Variants in CDH22 observed in about 807,000 individuals in gnomAD.
CDH22 encodes the protein cadherin 22.
CDH22 carries 30 observed loss-of-function variants against 58.4 expected under a neutral mutation model. The observed-to-expected ratio is 0.51, with a 90% CI of 0.38 to 0.70. The LOEUF (loss-of-function observed/expected upper bound fraction) is 0.70, where lower values mean the gene tolerates loss of function less well. Among genes scored for constraint, CDH22 ranks in the 30% least tolerant of loss-of-function variants. The pLI is 0.00. For synonymous variants in CDH22, 513 were observed against 558.2 expected (o/e 0.92, Z 1.14); for missense variants, 1,014 against 1,233.9 (o/e 0.82, Z 2.67).
chr20:46,281,175 T>G (rs2086549198), intron 1 of CDH22, among the ~76,000 whole-genome samples: 1 of 152,228 alleles, frequency 6.6e-6, no homozygotes, highest in South Asian at 2.1e-4. Flanking sequence ...AATAGACTTC[T>G]GAAAGAACAT....
intron 8 of CDH22, among the ~76,000 whole-genome samples, chr20:46,198,181 A>T (rs1272307318): frequency 6.6e-6 from 1 of 151,866 alleles, no homozygotes; most frequent in Non-Finnish European, 1.5e-5. Flanking sequence ...CCTCTCTCCC[A>T]GTGCTCTCAG....
chr20:46,269,058 A>G (rs544865633), intron 1 of CDH22, among the ~76,000 whole-genome samples: 1 of 152,330 alleles, frequency 6.6e-6, no homozygotes, highest in South Asian at 2.1e-4. Flanking sequence ...TAGTTGCCAA[A>G]TAATTGATCA....
At chr20:46,291,585 A>G (rs1394180287) in intron 1 of CDH22, among the ~76,000 whole-genome samples, 2 of 152,112 alleles carry the variant, frequency 1.3e-5, no homozygotes, top group South Asian at 4.2e-4. Context: ...TGATCTCATC[A>G]CACCCTCTCA....
At chr20:46,189,394 C>A (rs879780456) in intron 8 of CDH22, among the ~76,000 whole-genome samples, 1 of 152,082 alleles carries the variant, frequency 6.6e-6, no homozygotes, top group Non-Finnish European at 1.5e-5. Flanking sequence ...CAGGAACAGG[C>A]GCCTCTTTCC....
chr20:46,208,621 T>A (rs559571244), intron 7 of CDH22, among the ~76,000 whole-genome samples: 3 of 152,196 alleles, frequency 2.0e-5, no homozygotes, highest in Non-Finnish European at 4.4e-5. Context: ...TTTGAGACAG[T>A]TTTGCTCTCG....
Position 46,208,842 on chromosome 20 carries a change from C to T in CDH22, c.1286+1465G>A, listed in dbSNP as rs188070745. ...TCCTGACCTCGGGTGATCTGCCCGC[C>T]TCGGCCTCCCAAAGTGCTGGGATTA... On this transcript the variant is annotated intron_variant, in intron 7 of 11. Coordinates refer to ENST00000537909, the MANE Select transcript of CDH22 (RefSeq NM_021248.3). Among the ~76,000 whole-genome samples the T allele has an allele frequency of 7.2e-5, 11 of 152,350 alleles. No homozygotes were observed. The East Asian group carries it at 1.9e-3, about 27-fold the overall frequency.
intron 8 of CDH22, among the ~76,000 whole-genome samples, chr20:46,191,929 C>T (rs1480392899): frequency 6.6e-6 from 1 of 152,102 alleles, no homozygotes; most frequent in Non-Finnish European, 1.5e-5. Context: ...CTCGTTGCTA[C>T]CCCTCCCTCC....
intron 1 of CDH22, among the ~76,000 whole-genome samples, chr20:46,287,329 TATTATC>T (rs1408773846): frequency 6.6e-6 from 1 of 152,226 alleles, no homozygotes; most frequent in Admixed American, 6.5e-5. Context: ...TGTTAGCTGT[TATTATC>T]ATTATTAACT....
At chr20:46,246,616 G>A (rs980697388) in intron 2 of CDH22, among the ~76,000 whole-genome samples, 1 of 152,148 alleles carries the variant, frequency 6.6e-6, no homozygotes, top group African/African-American at 2.4e-5. Context: ...GGGCAGGGCC[G>A]CGGAAGGAGC....
chr20:46,187,088 A>C (rs2085832038), intron 8 of CDH22, 141 bp from the exon 9 acceptor site: 1 of 779,474 alleles, frequency 1.3e-6, no homozygotes. Context: ...AAGGACCAGA[A>C]CTGGGAACAT....
intron 3 of CDH22, among the ~76,000 whole-genome samples, chr20:46,238,608 GA>G (rs2086270096): frequency 6.6e-6 from 1 of 152,116 alleles, no homozygotes; most frequent in Non-Finnish European, 1.5e-5. Flanking sequence ...TCAGTAAATG[GA>G]AATCCATCTA....
intron 1 of CDH22, among the ~76,000 whole-genome samples, chr20:46,285,012 C>T (rs1424600684): frequency 6.6e-6 from 1 of 152,196 alleles, no homozygotes; most frequent in Non-Finnish European, 1.5e-5. Context: ...AACCTGACCA[C>T]TGTACCCAGT....
intron 1 of CDH22, among the ~76,000 whole-genome samples, chr20:46,287,479 G>GAC (rs2086581501): frequency 6.6e-6 from 1 of 152,072 alleles, no homozygotes; most frequent in African/African-American, 2.4e-5. Flanking sequence ...AGACTGGAGT[G>GAC]TGGGGGTGGC....
chr20:46,264,847 C>CAG (rs2086450439), intron 1 of CDH22, among the ~76,000 whole-genome samples: 1 of 148,766 alleles, frequency 6.7e-6, no homozygotes, highest in Non-Finnish European at 1.5e-5. Context: ...CACACACACA[C>CAG]ACCGTGCACA....
chr20:46,206,117 C>G (rs2086000529), intron 7 of CDH22, among the ~76,000 whole-genome samples: 1 of 152,192 alleles, frequency 6.6e-6, no homozygotes, highest in African/African-American at 2.4e-5. Flanking sequence ...TGGCCCATGT[C>G]TGAGGCCATC....
intron 1 of CDH22, among the ~76,000 whole-genome samples, chr20:46,292,473 C>G (rs2086608565): frequency 6.6e-6 from 1 of 152,250 alleles, no homozygotes; most frequent in South Asian, 2.1e-4. Context: ...CTCTCACCCT[C>G]TGTTTCCCCA....
chr20:46,239,601 G>A (rs1043057445), intron 3 of CDH22, among the ~76,000 whole-genome samples: 11 of 152,244 alleles, frequency 7.2e-5, no homozygotes, highest in African/African-American at 1.4e-4. Context: ...CCTCTGACAC[G>A]CAGCCATAGA....
chr20:46,223,917 G>T (rs180687028), intron 4 of CDH22, among the ~76,000 whole-genome samples: 1 of 150,722 alleles, frequency 6.6e-6, no homozygotes, highest in Admixed American at 6.6e-5. Context: ...GCAGTGGTGC[G>T]ATCTTGGCTC....
At chr20:46,187,318 G>T (rs1052639328) in intron 8 of CDH22, among the ~76,000 whole-genome samples, 9 of 151,528 alleles carry the variant, frequency 5.9e-5, no homozygotes, top group Admixed American at 2.0e-4. Context: ...TATTACCACT[G>T]TCATCATTAA....
Sources: gnomAD v4.1 joint callset for allele counts (sites outside exome capture counted in the v4.1 genomes callset) on GRCh38, gnomAD v4.1.1 for gene constraint, MANE v1.5 for transcripts, NCBI Gene and HGNC (gene_info 2026-07-23, HGNC 2026-07-21) for gene names.